Variants in RPIA observed in about 807,000 individuals in gnomAD.
The protein encoded by RPIA is ribose-5-phosphate isomerase.
Under a neutral mutation model 37.8 loss-of-function variants are expected in RPIA, and 29 were observed. The observed-to-expected ratio is 0.77, with a 90% CI of 0.57 to 1.05. The LOEUF (loss-of-function observed/expected upper bound fraction) is 1.05, where lower values mean the gene tolerates loss of function less well. Ranked by LOEUF, RPIA falls within the 50% of genes least tolerant of loss-of-function variation. RPIA has a pLI of 0.00. For synonymous variants in RPIA, 167 were observed against 157.0 expected (o/e 1.06, Z -0.48); for missense variants, 385 against 413.6 (o/e 0.93, Z 0.60).
At chr2:88,735,587 A>G in intron 5 of RPIA, 82 bp from the exon 6 acceptor site, 1 of 1,240,228 alleles carries the variant, frequency 8.1e-7, no homozygotes, top group African/African-American at 1.5e-5. Context: ...GATTGAGTGG[A>G]TTTGGGATTC....
At chr2:88,703,400 A>G (rs932426555) in intron 3 of RPIA, among the ~76,000 whole-genome samples, 6 of 152,184 alleles carry the variant, frequency 3.9e-5, no homozygotes, top group African/African-American at 1.4e-4. Context: ...AGGTGTTTCC[A>G]TACATCTTCT....
intron 8 of RPIA, among the ~76,000 whole-genome samples, chr2:88,742,316 C>T (rs759637604): frequency 1.1e-4 from 17 of 152,094 alleles, no homozygotes; most frequent in African/African-American, 3.9e-4. Context: ...TGTCCTTTCC[C>T]CCTTGATATT....
chr2:88,711,909 G>A (rs1435018504), intron 3 of RPIA, among the ~76,000 whole-genome samples: 1 of 152,178 alleles, frequency 6.6e-6, no homozygotes, highest in Non-Finnish European at 1.5e-5. Context: ...GGAGGCTGAG[G>A]TGTGAGGATT....
intron 3 of RPIA, among the ~76,000 whole-genome samples, chr2:88,713,795 T>C (rs1048403620): frequency 4.6e-5 from 7 of 152,228 alleles, no homozygotes; most frequent in Non-Finnish European, 7.3e-5. Context: ...GCTTTGCCTT[T>C]TTCTGACCCT....
chr2:88,737,422 AC>A (rs1293959405), intron 7 of RPIA, among the ~76,000 whole-genome samples: 1 of 152,214 alleles, frequency 6.6e-6, no homozygotes, highest in Non-Finnish European at 1.5e-5. Context: ...TAGTGGTTGT[AC>A]AGTGCTCTGA....
chr2:88,713,120 A>ATTTTTTTTT (rs1553420200), intron 3 of RPIA, among the ~76,000 whole-genome samples: 3 of 65,276 alleles, frequency 4.6e-5, no homozygotes, highest in Admixed American at 2.2e-4. Context: ...ATATATATAT[A>ATTTTTTTTT]TTTTTTTTTT....
intron 1 of RPIA, among the ~76,000 whole-genome samples, chr2:88,692,565 C>G (rs1676953154): frequency 6.6e-6 from 1 of 152,154 alleles, no homozygotes; most frequent in Admixed American, 6.5e-5. Flanking sequence ...TAAGGCGGGT[C>G]TGCAGAGATG....
intron 6 of RPIA, 130 bp downstream of exon 6, chr2:88,735,867 A>G: frequency 1.1e-6 from 1 of 885,866 alleles, no homozygotes; most frequent in Non-Finnish European, 1.9e-6. Flanking sequence ...GATGGCTAGG[A>G]CTTAGTACAG....
At chr2:88,694,869 CCAGT>C (rs1553418567) in intron 1 of RPIA, among the ~76,000 whole-genome samples, 1 of 151,870 alleles carries the variant, frequency 6.6e-6, no homozygotes, top group Non-Finnish European at 1.5e-5. Context: ...CAGGGTTTCC[CCAGT>C]CAGTCTGCTA....
intron 1 of RPIA, among the ~76,000 whole-genome samples, chr2:88,695,020 A>C (rs1672712729): frequency 6.6e-6 from 1 of 151,284 alleles, no homozygotes; most frequent in Non-Finnish European, 1.5e-5. Flanking sequence ...AAAGCTCGAG[A>C]GGACAGGGTT....
At chr2:88,700,281 T>G (rs1396983354) in intron 3 of RPIA, among the ~76,000 whole-genome samples, 1 of 152,198 alleles carries the variant, frequency 6.6e-6, no homozygotes, top group African/African-American at 2.4e-5. Context: ...ATGTTGAGTT[T>G]AGGCACTACG....
At chr2:88,733,690 T>C (rs1673279589) in intron 4 of RPIA, among the ~76,000 whole-genome samples, 2 of 152,220 alleles carry the variant, frequency 1.3e-5, no homozygotes, top group African/African-American at 4.8e-5. Context: ...GTATTTTTTA[T>C]ACCTGTGCCA....
At chr2:88,715,080 C>G (rs960988035) in intron 3 of RPIA, among the ~76,000 whole-genome samples, 1 of 152,192 alleles carries the variant, frequency 6.6e-6, no homozygotes, top group Non-Finnish European at 1.5e-5. Flanking sequence ...CAAGTCAATA[C>G]GCAGAGACAC....
At chr2:88,737,777 T>C (rs952070151) in intron 7 of RPIA, among the ~76,000 whole-genome samples, 200 bp from the exon 8 acceptor site, 4 of 144,408 alleles carry the variant, frequency 2.8e-5, no homozygotes, top group African/African-American at 1.1e-4. Context: ...TCTCTCTCTC[T>C]CAAAAAAAAA....
At chr2:88,710,272 C>T (rs1672946956) in intron 3 of RPIA, among the ~76,000 whole-genome samples, 1 of 152,136 alleles carries the variant, frequency 6.6e-6, no homozygotes, top group South Asian at 2.1e-4. Flanking sequence ...TCTCGAACTC[C>T]TGGGCTCAAG....
intron 8 of RPIA, among the ~76,000 whole-genome samples, chr2:88,747,835 G>A (rs1328531036): frequency 6.6e-6 from 1 of 152,138 alleles, no homozygotes; most frequent in Non-Finnish European, 1.5e-5. Flanking sequence ...TATGGAGTTT[G>A]CAGCAGCAAG....
chr2:88,741,473 G>A (rs1328216041), intron 8 of RPIA, among the ~76,000 whole-genome samples: 4 of 152,086 alleles, frequency 2.6e-5, no homozygotes, highest in Non-Finnish European at 4.4e-5. Context: ...CCACTCATTG[G>A]TTGATAGGCA....
At chr2:88,694,955 A>C (rs1277351144) in intron 1 of RPIA, among the ~76,000 whole-genome samples, 1 of 150,546 alleles carries the variant, frequency 6.6e-6, no homozygotes, top group Non-Finnish European at 1.5e-5. Context: ...TCCAAGAGCC[A>C]ATCATACCTA....
Position 88,691,703 on chromosome 2 carries a change from A to C in RPIA, c.5A>C (p.Gln2Pro), listed in dbSNP as rs559380161. 2 of 1,570,802 alleles carry C rather than the reference A, an allele frequency of 1.3e-6. No homozygotes were observed. Among genetic ancestry groups the C allele is most frequent in the Non-Finnish European group, 1.7e-6 (2 of 1,167,066 alleles). The part of the protein sequence containing the change: M[Q>P]RPGPFSTLYG... ...AGGCCGGAGCGAGGCGTCGGGATGC[A>C]GCGCCCCGGGCCCTTCAGCACCCTC... The change falls in exon 1 of 9, where the codon CAG (glutamine) becomes CCG (proline). Residue 2 changes from glutamine (Q) to proline (P), a missense_variant. This residue lies in a region of RPIA where 232 missense variants were observed against 203.0 expected (regional missense o/e 1.14). Coordinates refer to ENST00000283646, the MANE Select transcript of RPIA (RefSeq NM_144563.3).
Sources: allele counts gnomAD v4.1 joint callset (sites outside exome capture counted in the v4.1 genomes callset), GRCh38; gene constraint gnomAD v4.1.1; regional missense constraint gnomAD v4.1.1; transcripts MANE v1.5; gene names NCBI Gene and HGNC (gene_info 2026-07-23, HGNC 2026-07-21).